Variants in HTR2A observed in about 807,000 individuals in gnomAD.
HTR2A encodes the protein 5-hydroxytryptamine receptor 2A, also known as 5-HT2 receptor.
Under a neutral mutation model 31.0 loss-of-function variants are expected in HTR2A, and 14 were observed. The observed-to-expected ratio is 0.45, with a 90% CI of 0.30 to 0.71. The LOEUF (loss-of-function observed/expected upper bound fraction) is 0.71, where lower values mean the gene tolerates loss of function less well. HTR2A is among the 30% of genes least tolerant of loss of function. HTR2A has a pLI of 0.09. For missense variants in HTR2A, 442 were observed against 573.3 expected (o/e 0.77, Z 2.34); for synonymous variants, 209 against 225.2 (o/e 0.93, Z 0.64).
At position 46,896,236 on chromosome 13, in the gene HTR2A, T is replaced by C; in HGVS notation, c.-328-2A>G. 1.8e-6 allele frequency: 2 copies of C among 1,111,850 alleles called. No homozygotes were observed. Among genetic ancestry groups the C allele is most frequent in the Non-Finnish European group, 2.2e-6 (2 of 912,608 alleles). The allele number at this position is 1,111,850 out of a possible 1,614,324, so 68.9% of individuals were successfully genotyped here. A position where few individuals can be genotyped will look rare whatever the true frequency, so the allele number is the denominator to read the frequency against. On this transcript the variant is annotated splice_acceptor_variant, in intron 1 of 3. Coordinates refer to ENST00000542664, the MANE Select transcript of HTR2A (RefSeq NM_000621.5). LOFTEE classifies it low-confidence loss of function (5UTR_SPLICE). Reference sequence around the variant, plus strand: ...TGAGCGCTCGGGAAGATAAATGTCCTGGACAAAGAAGAAAAGTTTTATAAC... The same window carrying C: ...TGAGCGCTCGGGAAGATAAATGTCCCGGACAAAGAAGAAAAGTTTTATAAC...
At chr13:46,836,148 C>T (rs1166374009) in intron 3 of HTR2A, among the ~76,000 whole-genome samples, 1 of 151,674 alleles carries the variant, frequency 6.6e-6, no homozygotes, top group African/African-American at 2.4e-5. Flanking sequence ...CATTTTAAAA[C>T]AGAATTGAGG....
chr13:46,884,798 TTGTG>T (rs151090607), intron 3 of HTR2A, among the ~76,000 whole-genome samples: 29,721 of 149,992 alleles, frequency 0.2, 3,482 homozygotes, highest in East Asian at 0.34. Flanking sequence ...TTCTCAGCAC[TTGTG>T]TGTGTATTTG....
chr13:46,864,030 C>G (rs1280415489), intron 3 of HTR2A, among the ~76,000 whole-genome samples: 1 of 152,112 alleles, frequency 6.6e-6, no homozygotes, highest in Admixed American at 6.5e-5. Flanking sequence ...ATATCCATCA[C>G]TGATAGACTG....
chr13:46,871,056 A>G (rs574887217), intron 3 of HTR2A, among the ~76,000 whole-genome samples: 1 of 152,180 alleles, frequency 6.6e-6, no homozygotes, highest in Admixed American at 6.5e-5. Context: ...CTTCTCATCT[A>G]TCCTCAAACT....
chr13:46,874,731 T>A (rs1006817026), intron 3 of HTR2A, among the ~76,000 whole-genome samples: 3 of 152,196 alleles, frequency 2.0e-5, no homozygotes, highest in Non-Finnish European at 2.9e-5. Flanking sequence ...AACAGAATGG[T>A]TGGAGCCATA....
intron 3 of HTR2A, among the ~76,000 whole-genome samples, chr13:46,856,522 T>C (rs1394192894): frequency 6.6e-6 from 1 of 152,100 alleles, no homozygotes; most frequent in Non-Finnish European, 1.5e-5. Flanking sequence ...GATGTAAGTC[T>C]TGGGTATACC....
rs149431735 is a variant in HTR2A at position 46,882,893 on chromosome 13, A to C, written c.613+9497T>G. On this transcript the variant is annotated intron_variant, in intron 3 of 3. Transcript: ENST00000542664. Reference sequence around the variant, plus strand: ...AGAATCCAAGAGAGATCCACCATGCAAACAGAAACCATAATGTAGGTTCTG... The same window carrying C: ...AGAATCCAAGAGAGATCCACCATGCCAACAGAAACCATAATGTAGGTTCTG... Among the ~76,000 whole-genome samples, 467 of 152,314 alleles carry C rather than the reference A, an allele frequency of 3.1e-3. 3 individuals carry two copies. The highest frequency in any genetic ancestry group is 0.011 in the African/African-American group (444 of 41,576).
At chr13:46,893,126 T>C (rs1181857972) in intron 2 of HTR2A, among the ~76,000 whole-genome samples, 2 of 152,228 alleles carry the variant, frequency 1.3e-5, no homozygotes, top group African/African-American at 2.4e-5. Flanking sequence ...ATATGTCTGT[T>C]TGTAAAAATG....
chr13:46,845,767 C>T (rs765490148), intron 3 of HTR2A, among the ~76,000 whole-genome samples: 1 of 151,958 alleles, frequency 6.6e-6, no homozygotes, highest in Non-Finnish European at 1.5e-5. Context: ...AGTTACATAG[C>T]ATGTATCCTC....
chr13:46,871,198 G>C (rs1329898927), intron 3 of HTR2A, among the ~76,000 whole-genome samples: 1 of 152,174 alleles, frequency 6.6e-6, no homozygotes. Context: ...TTGACATTGT[G>C]AGAATTACTT....
intron 3 of HTR2A, among the ~76,000 whole-genome samples, chr13:46,862,451 G>C (rs1020377874): frequency 1.3e-5 from 2 of 152,134 alleles, no homozygotes; most frequent in Non-Finnish European, 2.9e-5. Flanking sequence ...TTGCTATCAA[G>C]GTTAATAAAA....
intron 3 of HTR2A, among the ~76,000 whole-genome samples, chr13:46,846,917 G>A (rs1180299226): frequency 6.6e-6 from 1 of 152,198 alleles, no homozygotes; most frequent in Non-Finnish European, 1.5e-5. Context: ...TCTGTCCAGG[G>A]AATTCAGTCA....
chr13:46,856,097 A>G (rs1035712491), intron 3 of HTR2A: 1 of 152,222 alleles, frequency 6.6e-6, no homozygotes, highest in Non-Finnish European at 1.5e-5. Flanking sequence ...TAGAAAACGA[A>G]GAGTGCTCTG....
intron 3 of HTR2A, among the ~76,000 whole-genome samples, chr13:46,874,478 A>G (rs967298000): frequency 2.0e-5 from 3 of 152,088 alleles, no homozygotes; most frequent in Non-Finnish European, 2.9e-5. Context: ...CCTTCACCCA[A>G]TATAATTGAG....
chr13:46,832,622 C>A lies in HTR2A; in HGVS notation c.*2215G>T, dbSNP rs1876287192. 6.6e-6 allele frequency: 1 copy of A among 152,160 alleles called. No homozygotes were observed. The highest frequency in any genetic ancestry group is 2.4e-5 in the African/African-American group (1 of 41,450). 9.4% of individuals were successfully genotyped at this position (152,160 alleles called of 1,614,324 possible). A position where few individuals can be genotyped will look rare whatever the true frequency, so the allele number is the denominator to read the frequency against. ...GGAGACATTTTAACATTTATATTTT[C>A]ATCAGTTAGTATGGTATATCATAAG... On this transcript the variant is annotated 3_prime_UTR_variant, in exon 4 of 4. Coordinates refer to ENST00000542664, the MANE Select transcript of HTR2A (RefSeq NM_000621.5).
chr13:46,853,540 G>A (rs1258166878), intron 3 of HTR2A, among the ~76,000 whole-genome samples: 1 of 152,172 alleles, frequency 6.6e-6, no homozygotes. Context: ...GAGGCCAAGT[G>A]TATCAGGCTG....
In HTR2A at chr13:46,833,529, T is replaced by G. The variant is rs1876324364; in HGVS notation, c.*1308A>C. ...TTGTGTGCCACAAGGATCAGATAAT[T>G]TTTTGATTTTTTTTGTAGAGACAGG... On this transcript the variant is annotated 3_prime_UTR_variant, in exon 4 of 4. Coordinates refer to ENST00000542664, the MANE Select transcript of HTR2A (RefSeq NM_000621.5). The G allele has an allele frequency of 6.6e-6, 1 of 151,756 alleles. No homozygotes were observed. The highest frequency in any genetic ancestry group is 1.5e-5 in the Non-Finnish European group (1 of 67,930). The allele number at this position is 151,756 out of a possible 1,614,324, so 9.4% of individuals were successfully genotyped here.
At chr13:46,846,770 A>T (rs1317497425) in intron 3 of HTR2A, among the ~76,000 whole-genome samples, 1 of 152,250 alleles carries the variant, frequency 6.6e-6, no homozygotes, top group Non-Finnish European at 1.5e-5. Context: ...AAGGGTGGTC[A>T]TATGAAATCT....
In HTR2A at chr13:46,832,129, A is replaced by G. The variant is rs1876267590; in HGVS notation, c.*2708T>C. 2 of 152,274 alleles carry G rather than the reference A, an allele frequency of 1.3e-5. No individual in the cohort carries two copies. Among genetic ancestry groups the G allele is most frequent in the African/African-American group, 4.8e-5 (2 of 41,474 alleles). 9.4% of individuals were successfully genotyped at this position (152,274 alleles called of 1,614,324 possible). On this transcript the variant is annotated 3_prime_UTR_variant, in exon 4 of 4. Transcript: ENST00000542664. ...TTCGCCATCCTCATAGACTTGTCTTAAAGTTCTTCCACAAAATTAGATTAA... is the reference window on the plus strand; with the variant it reads ...TTCGCCATCCTCATAGACTTGTCTTGAAGTTCTTCCACAAAATTAGATTAA...
Sources: allele counts gnomAD v4.1 joint callset (sites outside exome capture counted in the v4.1 genomes callset), GRCh38; gene constraint gnomAD v4.1.1; transcripts MANE v1.5; gene names NCBI Gene and HGNC (gene_info 2026-07-23, HGNC 2026-07-21).